SPTBN1: variants seen among roughly 807,000 people sequenced by gnomAD.
SPTBN1 encodes the protein spectrin beta, non-erythrocytic 1, also known as spectrin beta chain, non-erythrocytic 1.
A neutral mutation model predicts 266.4 loss-of-function variants in SPTBN1; 32 were observed. The ratio of observed to expected loss-of-function variants is 0.12; its 90% CI spans 0.09 to 0.16. SPTBN1 has a LOEUF of 0.16. Ranked by LOEUF, SPTBN1 falls within the 10% of genes least tolerant of loss-of-function variation. The probability of loss-of-function intolerance (pLI) is 1.00; values close to 1 mark genes in which losing one functional copy is unlikely to be tolerated. For synonymous variants in SPTBN1, 1,336 were observed against 1,162.2 expected (o/e 1.15, Z -3.04); for missense variants, 2,296 against 3,067.1 (o/e 0.75, Z 5.94).
At chr2:54,570,066 G>T (rs1248965772) in intron 2 of SPTBN1, among the ~76,000 whole-genome samples, 2 of 150,542 alleles carry the variant, frequency 1.3e-5, no homozygotes, top group African/African-American at 4.9e-5. Flanking sequence ...CCTCTCTCAA[G>T]TTCATAAAAG....
At chr2:54,594,729 C>A (rs961076477) in intron 2 of SPTBN1, among the ~76,000 whole-genome samples, 4 of 151,988 alleles carry the variant, frequency 2.6e-5, no homozygotes. Context: ...AATAGCTGGC[C>A]CAGGTGTTGA....
chr2:54,471,800 ATTTTT>A (rs56043354), intron 1 of SPTBN1, among the ~76,000 whole-genome samples: 5 of 102,716 alleles, frequency 4.9e-5, no homozygotes, highest in African/African-American at 1.1e-4. Flanking sequence ...TTTTTTATCG[ATTTTT>A]TTTTTTTTTT....
In SPTBN1 at chr2:54,593,823, C is replaced by CTTTTT. The variant is rs374877354; in HGVS notation, c.149-5246_149-5242dup. ...TTCTAAGTCTTGTATCATGGAAACA[C>CTTTTT]TTTTTTTTTTTTTTTTTTTTTTTTT... On this transcript the variant is annotated intron_variant, in intron 2 of 35. Transcript: ENST00000356805. Among the ~76,000 whole-genome samples, 378 of 64,792 alleles carry CTTTTT rather than the reference C, an allele frequency of 5.8e-3. 59 individuals are homozygous for CTTTTT. The highest frequency in any genetic ancestry group is 7.9e-3 in the South Asian group (10 of 1,264). 42.5% of individuals were successfully genotyped at this position (64,792 alleles called of 152,430 possible). A position where few individuals can be genotyped will look rare whatever the true frequency, so the allele number is the denominator to read the frequency against.
chr2:54,601,024 G>A (rs540525844), intron 3 of SPTBN1, among the ~76,000 whole-genome samples: 1 of 152,234 alleles, frequency 6.6e-6, no homozygotes, highest in Non-Finnish European at 1.5e-5. Context: ...AGAAAAACCA[G>A]TAAAGCATAA....
At chr2:54,589,668 C>T (rs908612826) in intron 2 of SPTBN1, among the ~76,000 whole-genome samples, 1 of 152,200 alleles carries the variant, frequency 6.6e-6, no homozygotes, top group Non-Finnish European at 1.5e-5. Context: ...AATTTAAGGC[C>T]TTCAGACTAG....
In SPTBN1 at chr2:54,668,591, C is replaced by T; in HGVS notation, c.*22C>T. Reference sequence around the variant, plus strand: ...ATGAACTCCTTTCCTTCACCTCCTGCCCTTCTCTTACCTTTTCAGTGAAAT... The same window carrying T: ...ATGAACTCCTTTCCTTCACCTCCTGTCCTTCTCTTACCTTTTCAGTGAAAT... On this transcript the variant is annotated 3_prime_UTR_variant, in exon 36 of 36. Transcript: ENST00000356805. 1.3e-6 allele frequency: 2 copies of T among 1,580,992 alleles called. No individual in the cohort carries two copies.
At chr2:54,660,164 A>C in intron 32 of SPTBN1, 165 bp downstream of exon 32, 1 of 1,523,626 alleles carries the variant, frequency 6.6e-7, no homozygotes, top group South Asian at 1.3e-5. Context: ...TTCACCCAAA[A>C]TGTTAAAATT....
At chr2:54,659,573 A>C (rs1371828880) in intron 31 of SPTBN1, among the ~76,000 whole-genome samples, 2 of 150,690 alleles carry the variant, frequency 1.3e-5, no homozygotes, top group Non-Finnish European at 3.0e-5. Flanking sequence ...TGAACTGCCC[A>C]GATTTTAGGC....
intron 1 of SPTBN1, among the ~76,000 whole-genome samples, chr2:54,462,716 G>T (rs576061711): frequency 6.6e-6 from 1 of 152,306 alleles, no homozygotes; most frequent in African/African-American, 2.4e-5. Flanking sequence ...CCTTTAACAG[G>T]CTGGATGTGT....
At chr2:54,485,694 C>G (rs1186491632) in intron 1 of SPTBN1, among the ~76,000 whole-genome samples, 2 of 151,798 alleles carry the variant, frequency 1.3e-5, no homozygotes, top group Admixed American at 1.3e-4. Flanking sequence ...GCTGCCCAGT[C>G]TGGAAAGTGA....
At chr2:54,488,449 T>G (rs912124027) in intron 1 of SPTBN1, among the ~76,000 whole-genome samples, 1 of 152,212 alleles carries the variant, frequency 6.6e-6, no homozygotes, top group South Asian at 2.1e-4. Context: ...CTCTTCTTTT[T>G]ATTTTTTATT....
chr2:54,577,320 G>A (rs1387241747), intron 2 of SPTBN1, among the ~76,000 whole-genome samples: 1 of 152,144 alleles, frequency 6.6e-6, no homozygotes, highest in East Asian at 1.9e-4. Flanking sequence ...TCATTTTACC[G>A]AATGTGCTCC....
At position 54,531,472 on chromosome 2, in the gene SPTBN1, A is replaced by G. The variant is rs146997245; in HGVS notation, c.148+4906A>G. 7.0e-4 allele frequency among the ~76,000 whole-genome samples: 106 copies of G among 152,242 alleles called. 1 individual carries two copies. In the East Asian group the frequency reaches 0.019, roughly 27 times the overall value. On this transcript the variant is annotated intron_variant, in intron 2 of 35. Transcript: ENST00000356805. ...GGGGTCTTTCTGTGTTGCTCAGGCT[A>G]GAGTACAGTGGTAGAGTCATAGCTA...
chr2:54,621,440 T>C lies in SPTBN1; in HGVS notation c.804T>C (p.Thr268=). The change falls in exon 8 of 36, where the codon ACT becomes ACC. Residue 268 remains threonine (T), a synonymous_variant. Coordinates refer to ENST00000356805, the MANE Select transcript of SPTBN1 (RefSeq NM_003128.3). ...VDHPDEKSII[T]YVVTYYHYFS... is the part of the protein sequence containing the mutation. Reference sequence around the variant, plus strand: ...ATCCTGATGAGAAGTCCATAATCACTTATGTGGTGACTTATTACCACTACT... The same window carrying C: ...ATCCTGATGAGAAGTCCATAATCACCTATGTGGTGACTTATTACCACTACT... 6.2e-7 allele frequency: 1 copy of C among 1,614,128 alleles called. No individual in the cohort carries two copies. The highest frequency in any genetic ancestry group is 8.5e-7 in the Non-Finnish European group (1 of 1,180,000).
intron 1 of SPTBN1, among the ~76,000 whole-genome samples, chr2:54,465,667 T>TATATATATATA (rs1573204180): frequency 1.4e-5 from 2 of 138,810 alleles, no homozygotes; most frequent in East Asian, 4.7e-4. Context: ...TATATATATA[T>TATATATATATA]ATCTCACACA....
intron 32 of SPTBN1, chr2:54,661,769 C>T (rs1470397920): frequency 3.0e-6 from 3 of 985,276 alleles, no homozygotes; most frequent in East Asian, 2.3e-4. Flanking sequence ...AATTTTGTAT[C>T]ATCAGGACTG....
At position 54,671,080 on chromosome 2, in the gene SPTBN1, T is replaced by G. The variant is rs1681668076; in HGVS notation, c.*2511T>G. The G allele has an allele frequency of 3.0e-6, 1 of 332,740 alleles. No individual in the cohort carries two copies. The highest frequency in any genetic ancestry group is 5.4e-6 in the Non-Finnish European group (1 of 185,048). 20.6% of individuals were successfully genotyped at this position (332,740 alleles called of 1,614,324 possible). ...CAATATGGGTGACAATACTGGCCCC[T>G]CCATAAATCTGAAGAGTAAGAAGTA... On this transcript the variant is annotated 3_prime_UTR_variant, in exon 36 of 36. Coordinates refer to ENST00000356805, the MANE Select transcript of SPTBN1 (RefSeq NM_003128.3).
rs745519021 is a variant in SPTBN1 at position 54,558,691 on chromosome 2, C to T, written c.148+32125C>T. The T allele has an allele frequency of 1.8e-5, 27 of 1,542,456 alleles. No individual in the cohort carries two copies. The highest frequency in any genetic ancestry group is 2.3e-5 in the Non-Finnish European group (26 of 1,140,512). ...GGCTCGCCTAAGGAGCCGAGCGCTGCGGAGGCTGCTGCGTGTTGGATGGGA... is the reference window on the plus strand; with the variant it reads ...GGCTCGCCTAAGGAGCCGAGCGCTGTGGAGGCTGCTGCGTGTTGGATGGGA... On this transcript the variant is annotated intron_variant, in intron 2 of 35. Transcript: ENST00000356805. The surrounding 1 kb of genome is among the most constrained non-coding windows in gnomAD (Gnocchi z 4.6).
intron 2 of SPTBN1, among the ~76,000 whole-genome samples, chr2:54,567,328 A>G (rs1374845352): frequency 3.3e-5 from 5 of 151,938 alleles, no homozygotes. Flanking sequence ...GTACTGGAGG[A>G]TTTTTATTTT....
Sources: gnomAD v4.1 joint callset for allele counts (sites outside exome capture counted in the v4.1 genomes callset) on GRCh38, gnomAD v4.1.1 for gene constraint, Gnocchi (gnomAD v3.1) non-coding constraint, MANE v1.5 for transcripts, NCBI Gene and HGNC (gene_info 2026-07-23, HGNC 2026-07-21) for gene names.